The following CFTR variants were observed in gnomAD, a reference collection of about 807,000 sequenced individuals.
CFTR encodes CF transmembrane conductance regulator, also known as cystic fibrosis transmembrane conductance regulator.
Under a neutral mutation model 171.6 loss-of-function variants are expected in CFTR, and 181 were observed. The observed-to-expected ratio is 1.05, with a 90% CI of 0.93 to 1.19. The LOEUF is 1.19. CFTR is among the 50% of genes most tolerant of loss of function. The pLI, the probability that CFTR is intolerant of heterozygous loss-of-function variation, is 0.00. For synonymous variants in CFTR, 583 were observed against 608.0 expected (o/e 0.96, Z 0.60); for missense variants, 1,968 against 1,734.7 (o/e 1.13, Z -2.39).
chr7:117,562,517 T>A (rs1328575588), intron 11 of CFTR, among the ~76,000 whole-genome samples: 1 of 152,186 alleles, frequency 6.6e-6, no homozygotes, highest in South Asian at 2.1e-4. Flanking sequence ...GCACATTGGC[T>A]CCATGCTCAG....
At chr7:117,508,944 C>T in intron 2 of CFTR, 90 bp from the exon 3 acceptor site, 1 of 846,140 alleles carries the variant, frequency 1.2e-6, no homozygotes, top group Non-Finnish European at 2.0e-6. Context: ...CTTGGATATA[C>T]TTGTGTGAAT....
At chr7:117,547,035 G>C (rs1799158465) in intron 9 of CFTR, among the ~76,000 whole-genome samples, 1 of 152,156 alleles carries the variant, frequency 6.6e-6, no homozygotes, top group Non-Finnish European at 1.5e-5. Flanking sequence ...GATGTTTGAA[G>C]TAGTTTCTAA....
At chr7:117,525,920 T>C (rs1584783192) in intron 3 of CFTR, among the ~76,000 whole-genome samples, 1 of 150,582 alleles carries the variant, frequency 6.6e-6, no homozygotes, top group East Asian at 2.0e-4. Context: ...TTTGATCCTG[T>C]CATTATGATG....
At chr7:117,666,798 G>A in intron 26 of CFTR, 110 bp from the exon 27 acceptor site, 1 of 890,444 alleles carries the variant, frequency 1.1e-6, no homozygotes, top group Non-Finnish European at 1.9e-6. Context: ...CAAGGCTCTG[G>A]ACATTGCATT....
intron 3 of CFTR, among the ~76,000 whole-genome samples, chr7:117,514,238 T>C (rs1040685910): frequency 6.6e-6 from 1 of 152,082 alleles, no homozygotes; most frequent in East Asian, 1.9e-4. Context: ...ACATGCAGGT[T>C]TGTTACATAG....
intron 24 of CFTR, among the ~76,000 whole-genome samples, chr7:117,663,117 AATG>A (rs1793317109): frequency 6.6e-6 from 1 of 152,202 alleles, no homozygotes; most frequent in Admixed American, 6.5e-5. Context: ...GCAGATGTTG[AATG>A]ATAGCTAAAG....
At chr7:117,654,243 T>G (rs1343859241) in intron 24 of CFTR, among the ~76,000 whole-genome samples, 1 of 152,190 alleles carries the variant, frequency 6.6e-6, no homozygotes, top group Non-Finnish European at 1.5e-5. Context: ...CACTGGGCAT[T>G]GCCCTAATGT....
At position 117,642,585 on chromosome 7, in the gene CFTR, A is replaced by G. The variant is rs1259304050; in HGVS notation, c.3865A>G (p.Ile1289Val). Residue 1289 changes from isoleucine (I) to valine (V), a missense_variant, in exon 23 of 27, where the codon ATA becomes GTA. Transcript: ENST00000003084. ...LQQWRKAFGVIPQKVFIFSGT... is the reference protein window; with the variant it reads ...LQQWRKAFGVVPQKVFIFSGT... ...ACAGTGGAGGAAAGCCTTTGGAGTG[A>G]TACCACAGGTGAGCAAAAGGACTTA... The G allele has an allele frequency of 1.2e-6, 2 of 1,613,424 alleles. No homozygotes were observed. The highest frequency in any genetic ancestry group is 1.1e-5 in the South Asian group (1 of 91,070).
At chr7:117,648,159 G>GCACA (rs139362505) in intron 23 of CFTR, among the ~76,000 whole-genome samples, 1 of 147,344 alleles carries the variant, frequency 6.8e-6, no homozygotes, top group Non-Finnish European at 1.5e-5. Context: ...ATATATACAC[G>GCACA]CACACACACA....
intron 21 of CFTR, among the ~76,000 whole-genome samples, chr7:117,622,795 A>AG (rs1306823526): frequency 1.3e-5 from 2 of 152,136 alleles, no homozygotes; most frequent in African/African-American, 4.8e-5. Flanking sequence ...AAAGCCTGTA[A>AG]GCCTCCTCTT....
intron 23 of CFTR, among the ~76,000 whole-genome samples, chr7:117,643,025 T>A (rs1157854435): frequency 1.3e-5 from 2 of 152,168 alleles, no homozygotes; most frequent in South Asian, 4.1e-4. Flanking sequence ...TTGTTTTTTG[T>A]TATTTGGATG....
At chr7:117,506,128 AT>A (rs1798411299) in intron 2 of CFTR, among the ~76,000 whole-genome samples, 3 of 152,238 alleles carry the variant, frequency 2.0e-5, no homozygotes, top group Admixed American at 2.0e-4. Context: ...AATGGCTAGC[AT>A]TACATAGAAA....
intron 22 of CFTR, among the ~76,000 whole-genome samples, chr7:117,637,543 T>G (rs1453602522): frequency 6.6e-6 from 1 of 152,088 alleles, no homozygotes; most frequent in Non-Finnish European, 1.5e-5. Flanking sequence ...TTAGGCATGG[T>G]AAAATAGTCT....
chr7:117,630,627 G>A (rs1294531918), intron 22 of CFTR, among the ~76,000 whole-genome samples: 2 of 152,100 alleles, frequency 1.3e-5, no homozygotes, highest in Non-Finnish European at 2.9e-5. Flanking sequence ...TGAAGAGATC[G>A]GGCTTCTCCC....
At position 117,535,316 on chromosome 7, in the gene CFTR, G is replaced by T. The variant is rs397508776; in HGVS notation, c.648G>T (p.Trp216Cys). The T allele has an allele frequency of 1.9e-6, 3 of 1,613,996 alleles. No homozygotes were observed. The highest frequency in any genetic ancestry group is 1.7e-5 in the Admixed American group (1 of 59,980). The change falls in exon 6 of 27, where the codon TGG becomes TGT. Residue 216 changes from tryptophan to cysteine, a missense_variant. Transcript: ENST00000003084. ...LQVALLMGLI[W>C]ELLQASAFCG... ...TGGCACTCCTCATGGGGCTAATCTG[G>T]GAGTTGTTACAGGCGTCTGCCTTCT...
chr7:117,538,052 T>A (rs1349885254), intron 7 of CFTR, among the ~76,000 whole-genome samples: 1 of 152,244 alleles, frequency 6.6e-6, no homozygotes. Context: ...ATGAAATCTA[T>A]CCCTCTTACT....
At chr7:117,524,775 T>C (rs1351162550) in intron 3 of CFTR, among the ~76,000 whole-genome samples, 1 of 152,162 alleles carries the variant, frequency 6.6e-6, no homozygotes, top group Non-Finnish European at 1.5e-5. Context: ...TGGGCAAATA[T>C]CCCGATTTAT....
intron 6 of CFTR, among the ~76,000 whole-genome samples, chr7:117,536,329 A>G (rs1387192125): frequency 6.6e-6 from 1 of 152,160 alleles, no homozygotes; most frequent in African/African-American, 2.4e-5. Context: ...GTCATAAGGG[A>G]TAGAGATAGC....
chr7:117,541,328 C>G (rs1799049083), intron 8 of CFTR, among the ~76,000 whole-genome samples: 1 of 151,938 alleles, frequency 6.6e-6, no homozygotes, highest in Non-Finnish European at 1.5e-5. Context: ...AGAAACAGAT[C>G]TAGAAAACCA....
Sources: gnomAD v4.1 joint callset for allele counts (sites outside exome capture counted in the v4.1 genomes callset) on GRCh38, gnomAD v4.1.1 for gene constraint, MANE v1.5 for transcripts, NCBI Gene and HGNC (gene_info 2026-07-23, HGNC 2026-07-21) for gene names.